The following RAPGEF6 variants were observed in gnomAD, a reference collection of about 807,000 sequenced individuals.
The protein encoded by RAPGEF6 is PDZ domain containing guanine nucleotide exchange factor (GEF) 2.
In RAPGEF6, 56 loss-of-function variants were observed where a neutral mutation model predicts 171.4. The observed-to-expected ratio is 0.33, with a 90% CI of 0.26 to 0.41. RAPGEF6 has a LOEUF of 0.41. Ranked by LOEUF, RAPGEF6 falls within the 10% of genes least tolerant of loss-of-function variation. The pLI, the probability that RAPGEF6 is intolerant of heterozygous loss-of-function variation, is 1.00. For synonymous variants in RAPGEF6, 692 were observed against 650.1 expected (o/e 1.06, Z -0.98); for missense variants, 1,674 against 1,921.4 (o/e 0.87, Z 2.41).
intron 4 of RAPGEF6, among the ~76,000 whole-genome samples, chr5:131,585,333 C>G (rs1314269651): frequency 6.8e-6 from 1 of 147,678 alleles, no homozygotes; most frequent in African/African-American, 2.6e-5. Flanking sequence ...TACATACATA[C>G]ATATATATCT....
At chr5:131,456,675 A>G (rs1753531792) in intron 19 of RAPGEF6, among the ~76,000 whole-genome samples, 1 of 152,190 alleles carries the variant, frequency 6.6e-6, no homozygotes, top group African/African-American at 2.4e-5. Context: ...TTGCCAAATG[A>G]ATAGTGTATA....
At chr5:131,555,297 A>G (rs1761163049) in intron 5 of RAPGEF6, among the ~76,000 whole-genome samples, 1 of 152,214 alleles carries the variant, frequency 6.6e-6, no homozygotes, top group Non-Finnish European at 1.5e-5. Flanking sequence ...TCTGAGCTCT[A>G]TAACCACTAG....
At position 131,479,433 on chromosome 5, in the gene RAPGEF6, C is replaced by A. The variant is rs948677070; in HGVS notation, c.2081+80G>T. 2.0e-6 allele frequency: 3 copies of A among 1,509,372 alleles called. No individual in the cohort carries two copies. In the African/African-American group the frequency reaches 4.2e-5, roughly 21 times the overall value. 93.5% of individuals were successfully genotyped at this position (1,509,372 alleles called of 1,614,324 possible). A position where few individuals can be genotyped will look rare whatever the true frequency, so the allele number is the denominator to read the frequency against. ...TAGTTATATAACAAAGCAAAACTTA[C>A]CCAAGCCTCCCCCCACCCCAAATAA... On this transcript the variant is annotated intron_variant, in intron 16 of 27. Coordinates refer to ENST00000509018, the MANE Select transcript of RAPGEF6 (RefSeq NM_016340.6).
intron 1 of RAPGEF6, among the ~76,000 whole-genome samples, chr5:131,626,079 G>C (rs1196171735): frequency 6.6e-6 from 1 of 152,102 alleles, no homozygotes; most frequent in Non-Finnish European, 1.5e-5. Flanking sequence ...ATAAGATGGA[G>C]TCCAAATTTC....
chr5:131,479,622 C>G lies in RAPGEF6; in HGVS notation c.1972G>C (p.Glu658Gln). 1 of 1,614,020 alleles carries G rather than the reference C, an allele frequency of 6.2e-7. No homozygotes were observed. The highest frequency in any genetic ancestry group is 1.1e-5 in the South Asian group (1 of 91,080). The change falls in exon 16 of 28, where the codon GAG (glutamate) becomes CAG (glutamine). Residue 658 changes from glutamate (E) to glutamine (Q), a missense_variant. This residue lies in a region of RAPGEF6 where 1,116 missense variants were observed against 1,321.5 expected (regional missense o/e 0.84). Transcript: ENST00000509018. ...GCTTTAACTTTCTTACTTCCTTTCT[C>G]CTGTGATGTCTGTTCAATATCTCCT... ...VPGDIEQTSQEKGSKKVKANT... is the reference protein window; with the variant it reads ...VPGDIEQTSQQKGSKKVKANT...
chr5:131,457,500 A>G (rs1372571972), intron 19 of RAPGEF6, among the ~76,000 whole-genome samples: 1 of 152,242 alleles, frequency 6.6e-6, no homozygotes, highest in Non-Finnish European at 1.5e-5. Flanking sequence ...TACTAAGAAA[A>G]AGTAAAGGAT....
Position 131,455,829 on chromosome 5 carries a change from G to T in RAPGEF6, c.3048C>A (p.Val1016=). The change falls in exon 20 of 28, where the codon GTC becomes GTA. Residue 1016 remains valine, a synonymous_variant. Transcript: ENST00000509018. ...QPPIIPLFPV[V]KKDMTFLHEG... ...CATGTAGAAATGTCATATCTTTCTTGACAACAGGGAAGAGTGGAATAATTG... is the reference window on the plus strand; with the variant it reads ...CATGTAGAAATGTCATATCTTTCTTTACAACAGGGAAGAGTGGAATAATTG... 6.2e-7 allele frequency: 1 copy of T among 1,612,964 alleles called. No homozygotes were observed. The highest frequency in any genetic ancestry group is 1.1e-5 in the South Asian group (1 of 91,036).
chr5:131,459,058 G>A (rs1753717813), intron 19 of RAPGEF6, among the ~76,000 whole-genome samples: 1 of 152,188 alleles, frequency 6.6e-6, no homozygotes, highest in Non-Finnish European at 1.5e-5. Context: ...AGAGTCATAA[G>A]GGGTTTGACT....
intron 24 of RAPGEF6, among the ~76,000 whole-genome samples, chr5:131,434,656 T>G (rs892533266): frequency 4.6e-5 from 7 of 152,172 alleles, no homozygotes; most frequent in African/African-American, 1.7e-4. Context: ...AATAATGTGT[T>G]ATAGAAAAAA....
chr5:131,548,663 G>A (rs913377281), intron 5 of RAPGEF6, among the ~76,000 whole-genome samples: 2 of 152,156 alleles, frequency 1.3e-5, no homozygotes, highest in African/African-American at 4.8e-5. Context: ...AGTAAGGCTG[G>A]CATCTTCTAA....
chr5:131,524,177 G>A lies in RAPGEF6; in HGVS notation c.496-2656C>T, dbSNP rs148253288. Among the ~76,000 whole-genome samples the A allele has an allele frequency of 1.9e-4, 29 of 152,176 alleles. 1 individual carries two copies. The East Asian group carries it at 5.6e-3, about 29-fold the overall frequency. On this transcript the variant is annotated intron_variant, in intron 6 of 27. Transcript: ENST00000509018. ...AATGACTCCAGATGGAAGCTTTCAG[G>A]AACAAGAAAGAAGAAAAACCAAGGA...
intron 5 of RAPGEF6, among the ~76,000 whole-genome samples, chr5:131,556,742 C>A (rs1761260230): frequency 6.6e-6 from 1 of 151,976 alleles, no homozygotes; most frequent in Non-Finnish European, 1.5e-5. Flanking sequence ...TTAAATGGCA[C>A]AAAATGCAAA....
rs1352648901 is a variant in RAPGEF6 at position 131,505,478 on chromosome 5, A to G, written c.987T>C (p.Ser329=). The G allele has an allele frequency of 6.2e-7, 1 of 1,613,660 alleles. No homozygotes were observed. The highest frequency in any genetic ancestry group is 1.3e-5 in the African/African-American group (1 of 75,046). ...AATTTTCAACTTTTCCATCTGGATGACTGATTTCCACAGTGCCGTTTAAAA... is the reference window on the plus strand; with the variant it reads ...AATTTTCAACTTTTCCATCTGGATGGCTGATTTCCACAGTGCCGTTTAAAA... ...YVILNGTVEI[S]HPDGKVENLF... Residue 329 remains serine, a synonymous_variant, in exon 10 of 28, where the codon AGT becomes AGC. Transcript: ENST00000509018.
chr5:131,620,039 G>A (rs1765510590), intron 1 of RAPGEF6, among the ~76,000 whole-genome samples: 1 of 152,188 alleles, frequency 6.6e-6, no homozygotes, highest in Non-Finnish European at 1.5e-5. Flanking sequence ...CATACAGTAT[G>A]CAAGTCTTCA....
intron 24 of RAPGEF6, chr5:131,436,152 T>C: frequency 6.5e-7 from 1 of 1,537,996 alleles, no homozygotes; most frequent in Middle Eastern, 1.7e-4. Context: ...GTCTCTCCCT[T>C]GAAAGCATTC....
intron 1 of RAPGEF6, among the ~76,000 whole-genome samples, chr5:131,623,776 C>T (rs895094403): frequency 2.0e-5 from 3 of 152,170 alleles, no homozygotes; most frequent in Non-Finnish European, 2.9e-5. Flanking sequence ...TGAGCCACTG[C>T]GCCCGGCCTT....
chr5:131,439,492 A>AT (rs1752239664), intron 24 of RAPGEF6, 89 bp downstream of exon 24: 2 of 1,464,696 alleles, frequency 1.4e-6, no homozygotes, highest in African/African-American at 2.8e-5. Context: ...TTAATGATTT[A>AT]TAATTATTGC....
At chr5:131,538,595 C>T (rs1156988451) in intron 6 of RAPGEF6, among the ~76,000 whole-genome samples, 3 of 152,082 alleles carry the variant, frequency 2.0e-5, no homozygotes, top group South Asian at 2.1e-4. Flanking sequence ...AAAAGGGACT[C>T]GAACATCCTC....
chr5:131,554,732 G>C lies in RAPGEF6; in HGVS notation c.352-6542C>G, dbSNP rs1334215568. ...GGGTTTCACCATGTTGGCCAGGCTG[G>C]TCTCGCACTCCTGATCTCAGGTGAT... On this transcript the variant is annotated intron_variant, in intron 5 of 27. Coordinates refer to ENST00000509018, the MANE Select transcript of RAPGEF6 (RefSeq NM_016340.6). Among the ~76,000 whole-genome samples, 3 of 152,088 alleles carry C rather than the reference G, an allele frequency of 2.0e-5. No individual in the cohort carries two copies. In the East Asian group the frequency reaches 5.8e-4, roughly 29 times the overall value.
Sources: allele counts gnomAD v4.1 joint callset (sites outside exome capture counted in the v4.1 genomes callset), GRCh38; gene constraint gnomAD v4.1.1; regional missense constraint gnomAD v4.1.1; transcripts MANE v1.5; gene names NCBI Gene and HGNC (gene_info 2026-07-23, HGNC 2026-07-21).